The following DOCK10 variants were observed in gnomAD, a reference collection of about 807,000 sequenced individuals.
DOCK10 encodes the protein dedicator of cytokinesis protein 10.
DOCK10 carries 145 observed loss-of-function variants against 280.1 expected under a neutral mutation model. That is an observed-to-expected ratio of 0.52 (90% CI 0.45 to 0.59). The LOEUF (loss-of-function observed/expected upper bound fraction) is 0.59, where lower values mean the gene tolerates loss of function less well. Among genes scored for constraint, DOCK10 ranks in the 20% least tolerant of loss-of-function variants. DOCK10 has a pLI of 0.00. For missense variants in DOCK10, 2,368 were observed against 2,651.7 expected (o/e 0.89, Z 2.35); for synonymous variants, 915 against 942.2 (o/e 0.97, Z 0.53).
intron 1 of DOCK10, among the ~76,000 whole-genome samples, chr2:225,020,404 T>C (rs1200941241): frequency 6.6e-6 from 1 of 152,182 alleles, no homozygotes; most frequent in Admixed American, 6.5e-5. Flanking sequence ...AATAATGAGC[T>C]AACCATGAAG....
At chr2:224,804,357 CG>C in intron 38 of DOCK10, 144 bp from the exon 39 acceptor site, 2 of 536,102 alleles carry the variant, frequency 3.7e-6, no homozygotes, top group Non-Finnish European at 6.4e-6. Context: ...TGTTTTCTTT[CG>C]GAAATCAGAA....
At chr2:224,848,634 G>C (rs1696522766) in intron 19 of DOCK10, among the ~76,000 whole-genome samples, 1 of 152,164 alleles carries the variant, frequency 6.6e-6, no homozygotes. Context: ...ATTACTGTGG[G>C]GATTAAGGGA....
intron 28 of DOCK10, among the ~76,000 whole-genome samples, chr2:224,821,947 A>C (rs987621349): frequency 6.6e-6 from 1 of 152,186 alleles, no homozygotes; most frequent in African/African-American, 2.4e-5. Flanking sequence ...GAAAAAAATA[A>C]ATTCAGGATA....
intron 4 of DOCK10, among the ~76,000 whole-genome samples, chr2:224,894,768 T>C (rs900750738): frequency 2.0e-5 from 3 of 152,230 alleles, no homozygotes; most frequent in Non-Finnish European, 4.4e-5. Context: ...TTTTTTTCTC[T>C]TCACGGTAAT....
At chr2:224,775,714 G>A (rs909831124) in intron 51 of DOCK10, among the ~76,000 whole-genome samples, 1 of 152,202 alleles carries the variant, frequency 6.6e-6, no homozygotes, top group Non-Finnish European at 1.5e-5. Flanking sequence ...GGCCTCAAGA[G>A]ATCTGTCCTC....
chr2:224,804,543 T>A (rs72970967), intron 38 of DOCK10, among the ~76,000 whole-genome samples: 1 of 152,166 alleles, frequency 6.6e-6, no homozygotes, highest in Non-Finnish European at 1.5e-5. Flanking sequence ...TGAAGATACA[T>A]GAAATGTGGT....
At chr2:224,903,284 T>A (rs1399315914) in intron 3 of DOCK10, among the ~76,000 whole-genome samples, 1 of 152,232 alleles carries the variant, frequency 6.6e-6, no homozygotes, top group Non-Finnish European at 1.5e-5. Context: ...TAAAAAATAC[T>A]ACTTGATATA....
rs144984231 is a variant in DOCK10, at chr2:224,924,276, G to C, written c.243+7273C>G. On this transcript the variant is annotated intron_variant, in intron 2 of 55. Coordinates refer to ENST00000258390, the MANE Select transcript of DOCK10 (RefSeq NM_014689.3). The stretch of plus-strand genomic sequence containing the variant: ...TGGTTTTTGGTATATTCACAGAGTT[G>C]TGCAACCATTACCACGATTTAATTA... 1.9e-3 allele frequency among the ~76,000 whole-genome samples: 289 copies of C among 152,192 alleles called. 1 individual carries two copies. Among genetic ancestry groups the C allele is most frequent in the African/African-American group, 6.5e-3 (269 of 41,532 alleles).
At chr2:225,026,791 A>G (rs1689932480) in intron 1 of DOCK10, among the ~76,000 whole-genome samples, 1 of 152,136 alleles carries the variant, frequency 6.6e-6, no homozygotes. Context: ...AGGGGGTCTA[A>G]GATTAGATCC....
At chr2:224,852,247 A>G (rs1029913037) in intron 18 of DOCK10, 130 bp downstream of exon 18, 5 of 668,310 alleles carry the variant, frequency 7.5e-6, no homozygotes, top group Non-Finnish European at 1.3e-5. Flanking sequence ...GGTATGTTTC[A>G]GATCTAAAAC....
chr2:224,876,785 T>C (rs1427191966), intron 7 of DOCK10, among the ~76,000 whole-genome samples: 1 of 152,190 alleles, frequency 6.6e-6, no homozygotes, highest in Non-Finnish European at 1.5e-5. Context: ...GCTGCCTTTT[T>C]TCGATCTCCT....
chr2:225,025,400 A>C (rs1689894247), intron 1 of DOCK10, among the ~76,000 whole-genome samples: 1 of 152,214 alleles, frequency 6.6e-6, no homozygotes. Flanking sequence ...ATATGTCTCC[A>C]TATTTCCCTC....
At chr2:224,929,327 C>T (rs1051981018) in intron 2 of DOCK10, among the ~76,000 whole-genome samples, 1 of 152,144 alleles carries the variant, frequency 6.6e-6, no homozygotes, top group African/African-American at 2.4e-5. Flanking sequence ...TCAAATAATG[C>T]CCAGTATTCA....
chr2:224,794,744 G>T, intron 45 of DOCK10, 135 bp downstream of exon 45: 2 of 759,462 alleles, frequency 2.6e-6, no homozygotes, highest in Non-Finnish European at 4.3e-6. Flanking sequence ...TATTGTATAT[G>T]ATATATAACT....
At position 224,770,258 on chromosome 2, in the gene DOCK10, G is replaced by A; in HGVS notation, c.6397C>T (p.His2133Tyr). The A allele has an allele frequency of 6.2e-7, 1 of 1,604,286 alleles. No homozygotes were observed. Residue 2133 changes from histidine (H) to tyrosine (Y), a missense_variant, in exon 55 of 56, where the codon CAC (histidine) becomes TAC (tyrosine). Physicochemically the swap from His to Tyr is moderately conservative, Grantham distance 83. This residue lies in a region of DOCK10 where 1,159 missense variants were observed against 1,400.8 expected (regional missense o/e 0.83). Coordinates refer to ENST00000258390, the MANE Select transcript of DOCK10 (RefSeq NM_014689.3). This position sits in a 1 kb window ranked among gnomAD's most constrained non-coding sequence, Gnocchi z 4.5. ...AGTTCGCTGAGCATGTCCTTGTAGT[G>A]GGACCTCAGTTCTTCCTGGTACTCC... ...QLEYQEELRS[H>Y]YKDMLSELST...
intron 1 of DOCK10, among the ~76,000 whole-genome samples, chr2:224,997,541 T>G (rs1280594264): frequency 6.6e-6 from 1 of 152,142 alleles, no homozygotes; most frequent in Non-Finnish European, 1.5e-5. Flanking sequence ...TGTCCTATTC[T>G]TTTTAACAGC....
At chr2:225,021,860 G>A (rs1401615912) in intron 1 of DOCK10, among the ~76,000 whole-genome samples, 7 of 152,136 alleles carry the variant, frequency 4.6e-5, no homozygotes, top group Non-Finnish European at 8.8e-5. Flanking sequence ...ACAGTTTTTT[G>A]GGGAGGCACT....
At chr2:224,863,767 A>G (rs1697689453) in intron 13 of DOCK10, among the ~76,000 whole-genome samples, 1 of 152,232 alleles carries the variant, frequency 6.6e-6, no homozygotes, top group Non-Finnish European at 1.5e-5. Context: ...TTCATTTTCT[A>G]TTAAACAGTA....
At chr2:224,823,751 A>G (rs1297792693) in intron 27 of DOCK10, 104 bp from the exon 28 acceptor site, 3 of 1,123,912 alleles carry the variant, frequency 2.7e-6, no homozygotes, top group Non-Finnish European at 3.6e-6. Context: ...CATTAAAGAA[A>G]AAGAATCCTT....
Sources: gnomAD v4.1 joint callset for allele counts (sites outside exome capture counted in the v4.1 genomes callset) on GRCh38, gnomAD v4.1.1 for gene constraint, gnomAD v4.1.1 regional missense constraint, Gnocchi (gnomAD v3.1) non-coding constraint, MANE v1.5 for transcripts, NCBI Gene and HGNC (gene_info 2026-07-23, HGNC 2026-07-21) for gene names.